The following UGGT2 variants were observed in gnomAD, a reference collection of about 807,000 sequenced individuals.
UGGT2 encodes UDP-glucose:glycoprotein glucosyltransferase 2.
UGGT2 carries 180 observed loss-of-function variants against 192.1 expected under a neutral mutation model. The ratio of observed to expected loss-of-function variants is 0.94; its 90% CI spans 0.83 to 1.06. The LOEUF (loss-of-function observed/expected upper bound fraction) is 1.06, where lower values mean the gene tolerates loss of function less well. Ranked by LOEUF, UGGT2 falls within the 50% of genes least tolerant of loss-of-function variation. The pLI, the probability that UGGT2 is intolerant of heterozygous loss-of-function variation, is 0.00. For missense variants in UGGT2, 1,849 were observed against 1,795.7 expected (o/e 1.03, Z -0.54); for synonymous variants, 580 against 591.0 (o/e 0.98, Z 0.27).
At chr13:95,975,829 T>C (rs1396216072) in intron 10 of UGGT2, among the ~76,000 whole-genome samples, 1 of 152,108 alleles carries the variant, frequency 6.6e-6, no homozygotes, top group African/African-American at 2.4e-5. Flanking sequence ...TATTTTTAAT[T>C]TTCACGGGTA....
intron 34 of UGGT2, among the ~76,000 whole-genome samples, chr13:95,854,982 C>T (rs901851322): frequency 3.3e-4 from 50 of 151,560 alleles, no homozygotes; most frequent in African/African-American, 1.2e-3. Flanking sequence ...AATATTAGTG[C>T]ACACATTGAA....
At chr13:95,921,539 A>C (rs2048845608) in intron 20 of UGGT2, among the ~76,000 whole-genome samples, 1 of 152,150 alleles carries the variant, frequency 6.6e-6, no homozygotes, top group South Asian at 2.1e-4. Flanking sequence ...TTATTCAAAA[A>C]AGAAACATTA....
intron 38 of UGGT2, among the ~76,000 whole-genome samples, chr13:95,830,609 C>G (rs1446831789): frequency 6.6e-6 from 1 of 152,092 alleles, no homozygotes; most frequent in African/African-American, 2.4e-5. Context: ...GAATGGCAAT[C>G]ATTAAAAAGT....
At chr13:95,923,995 G>T (rs1355043991) in intron 20 of UGGT2, among the ~76,000 whole-genome samples, 1 of 152,114 alleles carries the variant, frequency 6.6e-6, no homozygotes, top group Non-Finnish European at 1.5e-5. Context: ...ATGAAATGAT[G>T]ATTTGATTAG....
At chr13:95,819,969 C>T (rs1885334132) in intron 38 of UGGT2, among the ~76,000 whole-genome samples, 1 of 152,100 alleles carries the variant, frequency 6.6e-6, no homozygotes. Context: ...ACCAGCTTGA[C>T]CTACATGGCA....
intron 37 of UGGT2, among the ~76,000 whole-genome samples, chr13:95,833,741 A>G (rs1886979578): frequency 6.6e-6 from 1 of 152,208 alleles, no homozygotes; most frequent in Non-Finnish European, 1.5e-5. Flanking sequence ...GAGAGGCATC[A>G]AAGAAAGACA....
At chr13:95,959,215 A>C (rs1333719068) in intron 12 of UGGT2, among the ~76,000 whole-genome samples, 1 of 152,118 alleles carries the variant, frequency 6.6e-6, no homozygotes, top group Non-Finnish European at 1.5e-5. Context: ...ATTTCCATGC[A>C]CCTGAGGACA....
chr13:95,855,494 G>A (rs1289611038), intron 34 of UGGT2, among the ~76,000 whole-genome samples: 1 of 137,108 alleles, frequency 7.3e-6, no homozygotes, highest in Non-Finnish European at 1.6e-5. Flanking sequence ...GAGGGCCTTG[G>A]GTGTTTTTTT....
rs369580631 is a variant in UGGT2 at position 95,929,011 on chromosome 13, A to G, written c.1978-1675T>C. Among the ~76,000 whole-genome samples, 33 of 152,276 alleles carry G rather than the reference A, an allele frequency of 2.2e-4. No homozygotes were observed. In the South Asian group the frequency reaches 6.8e-3, roughly 32 times the overall value. ...AGCTGGAGACCAGCCCGGCCAACAC[A>G]GCGAAACCCCGTCTCCACCAAAAAA... On this transcript the variant is annotated intron_variant, in intron 17 of 38. Coordinates refer to ENST00000376747, the MANE Select transcript of UGGT2 (RefSeq NM_020121.4).
chr13:95,963,933 C>G (rs937888698), intron 12 of UGGT2, among the ~76,000 whole-genome samples: 17 of 152,172 alleles, frequency 1.1e-4, no homozygotes, highest in Admixed American at 9.8e-4. Context: ...CCAAAGCAAT[C>G]TATAGATTCA....
chr13:96,006,144 A>G (rs1276478625), intron 5 of UGGT2, among the ~76,000 whole-genome samples: 1 of 152,260 alleles, frequency 6.6e-6, no homozygotes, highest in African/African-American at 2.4e-5. Flanking sequence ...GGAATTTAAA[A>G]TAATGATTAA....
chr13:95,935,626 A>AT (rs2049437467), intron 17 of UGGT2, among the ~76,000 whole-genome samples: 1 of 152,122 alleles, frequency 6.6e-6, no homozygotes, highest in Non-Finnish European at 1.5e-5. Context: ...CTGACCTTGT[A>AT]TAGTATCTCA....
chr13:95,946,532 A>C (rs1364957867), intron 15 of UGGT2, among the ~76,000 whole-genome samples: 1 of 151,838 alleles, frequency 6.6e-6, no homozygotes, highest in African/African-American at 2.4e-5. Context: ...CTGCACCTGG[A>C]ATTTTTTATT....
chr13:95,857,202 A>T (rs1024230176), intron 33 of UGGT2, among the ~76,000 whole-genome samples: 3 of 152,110 alleles, frequency 2.0e-5, no homozygotes, highest in Admixed American at 2.0e-4. Context: ...GGGGTACAAC[A>T]GCTGCCAGGA....
rs1451218547 is a variant in UGGT2 at position 95,900,965 on chromosome 13, A to G, written c.2503-27T>C. 3 of 1,496,762 alleles carry G rather than the reference A, an allele frequency of 2.0e-6. No homozygotes were observed. In the Admixed American group the frequency reaches 6.5e-5, roughly 33 times the overall value. The allele number at this position is 1,496,762 out of a possible 1,614,324, so 92.7% of individuals were successfully genotyped here. A position where few individuals can be genotyped will look rare whatever the true frequency, so the allele number is the denominator to read the frequency against. ...TAAAGCAAAAGTTAAGACTGATGAA[A>G]CTAATATGAGAACAGTAAATATATT... On this transcript the variant is annotated intron_variant, in intron 21 of 38. Coordinates refer to ENST00000376747, the MANE Select transcript of UGGT2 (RefSeq NM_020121.4).
intron 34 of UGGT2, among the ~76,000 whole-genome samples, chr13:95,855,670 T>A (rs776313639): frequency 1.2e-4 from 19 of 152,152 alleles, no homozygotes; most frequent in Non-Finnish European, 2.6e-4. Context: ...ACTACAGGCA[T>A]AAGCTGGCCA....
chr13:95,833,399 C>A (rs1156630063), intron 37 of UGGT2, among the ~76,000 whole-genome samples: 2 of 152,106 alleles, frequency 1.3e-5, no homozygotes, highest in African/African-American at 2.4e-5. Flanking sequence ...GCTTTGTAGG[C>A]ACAGTAGAAA....
chr13:95,993,443 G>A (rs932459362), intron 7 of UGGT2, among the ~76,000 whole-genome samples: 7 of 152,154 alleles, frequency 4.6e-5, no homozygotes, highest in Non-Finnish European at 7.4e-5. Flanking sequence ...AGTGTTCCAC[G>A]TGATCTTTTG....
rs769364243 is a variant in UGGT2 at position 96,053,318 on chromosome 13, G to C, written c.-6C>G. ...GTGGCTTTCGCTGGCGCCATGGCAC[G>C]GAGAGAAAAGCGCGAGTCCCTCGGA... On this transcript the variant is annotated 5_prime_UTR_variant, in exon 1 of 39. Transcript: ENST00000376747. The C allele has an allele frequency of 6.3e-7, 1 of 1,581,038 alleles. No individual in the cohort carries two copies. Among genetic ancestry groups the C allele is most frequent in the South Asian group, 1.1e-5 (1 of 87,852 alleles).
Sources: gnomAD v4.1 joint callset for allele counts (sites outside exome capture counted in the v4.1 genomes callset) on GRCh38, gnomAD v4.1.1 for gene constraint, MANE v1.5 for transcripts, NCBI Gene and HGNC (gene_info 2026-07-23, HGNC 2026-07-21) for gene names.